PPP1R16B: variants seen among roughly 807,000 people sequenced by gnomAD.
PPP1R16B encodes the protein protein phosphatase 1 regulatory subunit 16B.
PPP1R16B carries 14 observed loss-of-function variants against 61.7 expected under a neutral mutation model. The observed-to-expected ratio is 0.23, with a 90% CI of 0.15 to 0.35. The LOEUF is 0.35. Ranked by LOEUF, PPP1R16B falls within the 10% of genes least tolerant of loss-of-function variation. PPP1R16B has a pLI of 1.00. For synonymous variants in PPP1R16B, 266 were observed against 305.3 expected, an observed-to-expected ratio of 0.87 and a Z score of 1.34; for missense variants, 547 against 752.5, an observed-to-expected ratio of 0.73 and a Z score of 3.19.
intron 1 of PPP1R16B, among the ~76,000 whole-genome samples, chr20:38,815,877 G>A (rs1344999886): frequency 6.6e-6 from 1 of 152,198 alleles, no homozygotes; most frequent in African/African-American, 2.4e-5. Flanking sequence ...ATCTCCTGGA[G>A]TTGGCAGACA....
At chr20:38,869,164 T>A (rs895987162) in intron 2 of PPP1R16B, among the ~76,000 whole-genome samples, 9 of 151,550 alleles carry the variant, frequency 5.9e-5, no homozygotes, top group South Asian at 2.1e-4. Context: ...TATTTTTTTT[T>A]ATTTATTTAT....
In PPP1R16B at chr20:38,899,222, T is replaced by C. The variant is rs116778040; in HGVS notation, c.468-1359T>C. 4.9e-3 allele frequency among the ~76,000 whole-genome samples: 748 copies of C among 152,320 alleles called. 4 individuals carry two copies. Among genetic ancestry groups the C allele is most frequent in the African/African-American group, 0.017 (698 of 41,562 alleles). Reference sequence around the variant, plus strand: ...TCAGAGAAGTCACAGTGGAGGGCTGTTAGGCCAAAGGACTGGATGGTGGCC... The same window carrying C: ...TCAGAGAAGTCACAGTGGAGGGCTGCTAGGCCAAAGGACTGGATGGTGGCC... On this transcript the variant is annotated intron_variant, in intron 4 of 10. Transcript: ENST00000299824.
rs2084871522 is a variant in PPP1R16B at position 38,836,232 on chromosome 20, T to C, written c.250+57T>C. On this transcript the variant is annotated intron_variant, in intron 2 of 10. Coordinates refer to ENST00000299824, the MANE Select transcript of PPP1R16B (RefSeq NM_015568.4). Reference sequence around the variant, plus strand: ...GCTGCCTTGGCCTCTGATCAGGGTTTGGAATCCAGGTTCTGTGCAGTAGAC... The same window carrying C: ...GCTGCCTTGGCCTCTGATCAGGGTTCGGAATCCAGGTTCTGTGCAGTAGAC... The C allele has an allele frequency of 1.9e-6, 3 of 1,563,528 alleles. No homozygotes were observed. The African/African-American group carries it at 4.0e-5, about 21-fold the overall frequency.
chr20:38,906,287 T>TG, intron 7 of PPP1R16B, among the ~76,000 whole-genome samples, 193 bp downstream of exon 7: 1 of 116,520 alleles, frequency 8.6e-6, no homozygotes, highest in Non-Finnish European at 1.9e-5. Flanking sequence ...AGTTGTGTTT[T>TG]TTTTTTTTTT....
At chr20:38,871,376 A>G (rs1247518210) in intron 2 of PPP1R16B, among the ~76,000 whole-genome samples, 1 of 152,098 alleles carries the variant, frequency 6.6e-6, no homozygotes, top group Non-Finnish European at 1.5e-5. Flanking sequence ...AAATGCCCTC[A>G]GGGTCACCTC....
chr20:38,896,134 C>T lies in PPP1R16B; in HGVS notation c.467+424C>T, dbSNP rs879523208. 3.7e-3 allele frequency among the ~76,000 whole-genome samples: 343 copies of T among 92,336 alleles called. 2 individuals carry two copies. The highest frequency in any genetic ancestry group is 0.01 in the Middle Eastern group (1 of 100). The allele number at this position is 92,336 out of a possible 152,430, so 60.6% of individuals were successfully genotyped here. On this transcript the variant is annotated intron_variant, in intron 4 of 10. Transcript: ENST00000299824. ...TCCCTTCCTTCTTTCTTCCCTTCCTCCCTCCTTTCCTTCTTTCTTCCTCCC... is the reference window on the plus strand; with the variant it reads ...TCCCTTCCTTCTTTCTTCCCTTCCTTCCTCCTTTCCTTCTTTCTTCCTCCC...
At chr20:38,831,495 T>C (rs1410884893) in intron 1 of PPP1R16B, among the ~76,000 whole-genome samples, 2 of 152,236 alleles carry the variant, frequency 1.3e-5, no homozygotes, top group African/African-American at 4.8e-5. Context: ...GCTGTCTCAT[T>C]CTGCCTAAGA....
At chr20:38,867,816 G>A (rs1317360360) in intron 2 of PPP1R16B, among the ~76,000 whole-genome samples, 3 of 152,084 alleles carry the variant, frequency 2.0e-5, no homozygotes, top group Non-Finnish European at 4.4e-5. Flanking sequence ...GGGATTACAG[G>A]CGCCCGCCAC....
chr20:38,814,219 C>T (rs1324987469), intron 1 of PPP1R16B, among the ~76,000 whole-genome samples: 1 of 152,152 alleles, frequency 6.6e-6, no homozygotes, highest in Non-Finnish European at 1.5e-5. Context: ...TCAGGACATC[C>T]GGCTTCAAAG....
intron 1 of PPP1R16B, among the ~76,000 whole-genome samples, chr20:38,828,197 G>A (rs144054075): frequency 1.1e-4 from 17 of 152,326 alleles, no homozygotes; most frequent in East Asian, 7.7e-4. Context: ...CCAGAATTAA[G>A]CAGTCACAAA....
chr20:38,848,772 C>T (rs1226314662), intron 2 of PPP1R16B, among the ~76,000 whole-genome samples: 2 of 152,102 alleles, frequency 1.3e-5, no homozygotes, highest in Non-Finnish European at 2.9e-5. Context: ...AACACATGGA[C>T]ACATAGAGGG....
At chr20:38,868,484 AAGTG>A (rs1378211556) in intron 2 of PPP1R16B, among the ~76,000 whole-genome samples, 3 of 151,646 alleles carry the variant, frequency 2.0e-5, no homozygotes, top group Non-Finnish European at 4.4e-5. Context: ...TCCTGGGTTC[AAGTG>A]ATTCTTCTGC....
chr20:38,867,821 C>T (rs985508349), intron 2 of PPP1R16B, among the ~76,000 whole-genome samples: 11 of 151,930 alleles, frequency 7.2e-5, no homozygotes, highest in Non-Finnish European at 1.5e-4. Context: ...TACAGGCGCC[C>T]GCCACCACGC....
chr20:38,858,116 T>G (rs565345462), intron 2 of PPP1R16B, among the ~76,000 whole-genome samples: 99 of 152,250 alleles, frequency 6.5e-4, no homozygotes, highest in African/African-American at 2.3e-3. Flanking sequence ...TTAAGGACAC[T>G]AATCCCATCA....
rs994654673 is a variant in PPP1R16B at position 38,806,204 on chromosome 20, C to T, written c.-102+412C>T. ...GGAGCCACAGCGGACACCAAACAAC[C>T]CCCCCCCGCGCACTCTCCCGGCCGG... is the stretch of plus-strand genomic sequence containing the variant. On this transcript the variant is annotated intron_variant, in intron 1 of 10. Coordinates refer to ENST00000299824, the MANE Select transcript of PPP1R16B (RefSeq NM_015568.4). The surrounding 1 kb of genome is among the most constrained non-coding windows in gnomAD (Gnocchi z 4.5). Among the ~76,000 whole-genome samples, 5 of 151,956 alleles carry T rather than the reference C, an allele frequency of 3.3e-5. No homozygotes were observed. Among genetic ancestry groups the T allele is most frequent in the African/African-American group, 4.8e-5 (2 of 41,388 alleles).
In PPP1R16B at chr20:38,822,411, C is replaced by T. The variant is rs560924994; in HGVS notation, c.-101-13414C>T. Among the ~76,000 whole-genome samples, 4 of 151,282 alleles carry T rather than the reference C, an allele frequency of 2.6e-5. No homozygotes were observed. The South Asian group carries it at 6.2e-4, about 24-fold the overall frequency. On this transcript the variant is annotated intron_variant, in intron 1 of 10. Transcript: ENST00000299824. ...CGCAAATAAAAAGCCATTAAAAACACGAAAGTTATCTAGTGCCATTTCTTT... is the reference window on the plus strand; with the variant it reads ...CGCAAATAAAAAGCCATTAAAAACATGAAAGTTATCTAGTGCCATTTCTTT...
intron 7 of PPP1R16B, 126 bp downstream of exon 7, chr20:38,906,220 C>T (rs2085440691): frequency 5.3e-6 from 5 of 944,974 alleles, no homozygotes; most frequent in Non-Finnish European, 7.3e-6. Context: ...TTGAATATAG[C>T]TCATATGTGG....
Position 38,904,554 on chromosome 20 carries a change from G to A in PPP1R16B, c.697-1415G>A, listed in dbSNP as rs116558114. The stretch of plus-strand genomic sequence containing the variant: ...GCCAAGTAGTGAGGTTTGTAATGTC[G>A]GACTGGCCAGCAGGTGTCATTCTCT... On this transcript the variant is annotated intron_variant, in intron 6 of 10. Coordinates refer to ENST00000299824, the MANE Select transcript of PPP1R16B (RefSeq NM_015568.4). Among the ~76,000 whole-genome samples, 1,103 of 152,184 alleles carry A rather than the reference G, an allele frequency of 7.2e-3. 10 individuals are homozygous for A. The highest frequency in any genetic ancestry group is 0.02 in the African/African-American group (836 of 41,502).
chr20:38,915,077 C>A (rs993308097), intron 10 of PPP1R16B, among the ~76,000 whole-genome samples: 1 of 152,166 alleles, frequency 6.6e-6, no homozygotes, highest in Admixed American at 6.5e-5. Context: ...CCCCTCCACC[C>A]TGGTTTCCCC....
Sources: gnomAD v4.1 joint callset for allele counts (sites outside exome capture counted in the v4.1 genomes callset) on GRCh38, gnomAD v4.1.1 for gene constraint, Gnocchi (gnomAD v3.1) non-coding constraint, MANE v1.5 for transcripts, NCBI Gene and HGNC (gene_info 2026-07-23, HGNC 2026-07-21) for gene names.